The following DOCK4 variants were observed in gnomAD, a reference collection of about 807,000 sequenced individuals.
DOCK4 encodes dedicator of cytokinesis protein 4.
DOCK4 carries 97 observed loss-of-function variants against 268.1 expected under a neutral mutation model. The observed-to-expected ratio is 0.36, with a 90% CI of 0.31 to 0.43. The LOEUF is 0.43. DOCK4 is among the 20% of genes least tolerant of loss of function. The pLI is 1.00. For synonymous variants in DOCK4, 954 were observed against 887.2 expected (o/e 1.08, Z -1.34); for missense variants, 2,145 against 2,455.7 (o/e 0.87, Z 2.67).
At chr7:112,106,458 G>C (rs1193751775) in intron 1 of DOCK4, among the ~76,000 whole-genome samples, 4 of 152,200 alleles carry the variant, frequency 2.6e-5, no homozygotes, top group African/African-American at 7.2e-5. Context: ...ATTCTTTTTA[G>C]CATGCAGCAA....
chr7:111,767,231 T>A (rs1205281295), intron 37 of DOCK4, 113 bp from the exon 38 acceptor site: 15 of 679,714 alleles, frequency 2.2e-5, no homozygotes, highest in Non-Finnish European at 3.4e-5. Context: ...CTTAATCTTT[T>A]TTTTTTTTTT....
At chr7:112,204,136 T>G (rs1352385211) in intron 1 of DOCK4, among the ~76,000 whole-genome samples, 1 of 152,156 alleles carries the variant, frequency 6.6e-6, no homozygotes, top group Non-Finnish European at 1.5e-5. Context: ...AACATTTGAC[T>G]GATAATATCC....
intron 12 of DOCK4, among the ~76,000 whole-genome samples, chr7:111,932,513 A>C (rs1484740582): frequency 6.6e-6 from 1 of 152,196 alleles, no homozygotes; most frequent in Non-Finnish European, 1.5e-5. Context: ...AGAACTTAAA[A>C]AAATGCTAGC....
At position 111,727,472 on chromosome 7, in the gene DOCK4, G is replaced by T. The variant is rs1563411339; in HGVS notation, c.*802C>A. ...CATTAATACTTCAGCATTTGCTCTTGTTCAATGACAAATTTTATATAGGAA... is the reference window on the plus strand; with the variant it reads ...CATTAATACTTCAGCATTTGCTCTTTTTCAATGACAAATTTTATATAGGAA... On this transcript the variant is annotated 3_prime_UTR_variant, in exon 53 of 53. Transcript: ENST00000428084. The T allele has an allele frequency of 6.6e-6, 1 of 152,370 alleles. No individual in the cohort carries two copies. Among genetic ancestry groups the T allele is most frequent in the Admixed American group, 6.6e-5 (1 of 15,242 alleles). The allele number at this position is 152,370 out of a possible 1,614,324, so 9.4% of individuals were successfully genotyped here.
chr7:112,008,445 A>C (rs17159141), intron 1 of DOCK4, among the ~76,000 whole-genome samples: 8,559 of 152,262 alleles, frequency 0.056, 685 homozygotes, highest in African/African-American at 0.18. Context: ...TAATGATATC[A>C]GTTTAGTACG....
At position 111,726,224 on chromosome 7, in the gene DOCK4, C is replaced by A. The variant is rs1395454776; in HGVS notation, c.*2050G>T. ...CTGCTATGTAGCTGCTTCAGAAATA[C>A]ACACACATGATAAATTCAAGATAAA... On this transcript the variant is annotated 3_prime_UTR_variant, in exon 53 of 53. Transcript: ENST00000428084. 1 of 152,630 alleles carries A rather than the reference C, an allele frequency of 6.6e-6. No homozygotes were observed. Among genetic ancestry groups the A allele is most frequent in the Non-Finnish European group, 1.5e-5 (1 of 68,026 alleles). The allele number at this position is 152,630 out of a possible 1,614,324, so 9.5% of individuals were successfully genotyped here. A position where few individuals can be genotyped will look rare whatever the true frequency, so the allele number is the denominator to read the frequency against.
Position 111,782,932 on chromosome 7 carries a change from C to T in DOCK4, c.3525-8G>A. ...CCCATTTTCATGCAGTCCCTAAAAACAAAAAGCAATAGTCAGAACTCAGAA... is the reference window on the plus strand; with the variant it reads ...CCCATTTTCATGCAGTCCCTAAAAATAAAAAGCAATAGTCAGAACTCAGAA... On this transcript the variant is annotated splice_polypyrimidine_tract_variant and splice_region_variant and intron_variant, in intron 34 of 52. Coordinates refer to ENST00000428084, the MANE Select transcript of DOCK4 (RefSeq NM_001363540.2). 1 of 1,580,900 alleles carries T rather than the reference C, an allele frequency of 6.3e-7. No individual in the cohort carries two copies. The highest frequency in any genetic ancestry group is 8.6e-7 in the Non-Finnish European group (1 of 1,163,494).
intron 6 of DOCK4, among the ~76,000 whole-genome samples, chr7:111,987,083 A>G (rs1799110652): frequency 6.6e-6 from 1 of 152,256 alleles, no homozygotes; most frequent in African/African-American, 2.4e-5. Flanking sequence ...ATAAACAGTC[A>G]AAGAATTTCA....
intron 1 of DOCK4, among the ~76,000 whole-genome samples, chr7:112,176,583 T>A (rs1818530073): frequency 6.6e-6 from 1 of 152,190 alleles, no homozygotes; most frequent in Non-Finnish European, 1.5e-5. Flanking sequence ...TTATTTGGCT[T>A]CTTCAGGATC....
intron 1 of DOCK4, among the ~76,000 whole-genome samples, chr7:112,141,609 C>A (rs1215043055): frequency 6.6e-6 from 1 of 152,162 alleles, no homozygotes; most frequent in East Asian, 1.9e-4. Flanking sequence ...TAGATACATA[C>A]ATAAAATCTC....
chr7:111,802,208 C>A (rs1185317584), intron 30 of DOCK4, among the ~76,000 whole-genome samples: 5 of 152,098 alleles, frequency 3.3e-5, no homozygotes, highest in Admixed American at 2.6e-4. Context: ...AAAGCCTAAA[C>A]CCACTAAACA....
intron 23 of DOCK4, among the ~76,000 whole-genome samples, chr7:111,857,787 C>T (rs900056367): frequency 1.3e-5 from 2 of 152,188 alleles, no homozygotes; most frequent in Non-Finnish European, 2.9e-5. Flanking sequence ...TTCCTCCTTC[C>T]CCAACAACCT....
rs181957263 is a variant in DOCK4, at chr7:112,183,279, G to A, written c.37+22823C>T. On this transcript the variant is annotated intron_variant, in intron 1 of 52. Coordinates refer to ENST00000428084, the MANE Select transcript of DOCK4 (RefSeq NM_001363540.2). ...AAGGTCCTCCATTTGGGAATAGGAG[G>A]GGGAGAACTGTGAGCTCTTAACAAA... is the stretch of plus-strand genomic sequence containing the variant. 8.5e-3 allele frequency among the ~76,000 whole-genome samples: 1,175 copies of A among 137,996 alleles called. 9 individuals are homozygous for A. Among genetic ancestry groups the A allele is most frequent in the Non-Finnish European group, 0.014 (894 of 64,728 alleles). 90.5% of individuals were successfully genotyped at this position (137,996 alleles called of 152,430 possible). A position where few individuals can be genotyped will look rare whatever the true frequency, so the allele number is the denominator to read the frequency against.
At chr7:112,083,974 C>T (rs748013683) in intron 1 of DOCK4, among the ~76,000 whole-genome samples, 7 of 152,218 alleles carry the variant, frequency 4.6e-5, no homozygotes, top group Admixed American at 2.6e-4. Context: ...CTGAAGTGCG[C>T]TTGCACAGTT....
intron 1 of DOCK4, among the ~76,000 whole-genome samples, chr7:112,115,533 T>C (rs1383373303): frequency 2.0e-5 from 3 of 152,172 alleles, no homozygotes; most frequent in Admixed American, 6.5e-5. Flanking sequence ...TCCTTGGAGG[T>C]AGCACCTTGC....
chr7:111,851,520 T>A (rs983916765), intron 23 of DOCK4, among the ~76,000 whole-genome samples: 3 of 151,780 alleles, frequency 2.0e-5, no homozygotes, highest in Non-Finnish European at 4.4e-5. Context: ...TAGATACAGA[T>A]TTCTTAAACA....
At chr7:111,831,496 T>G (rs1197106471) in intron 26 of DOCK4, among the ~76,000 whole-genome samples, 2 of 151,748 alleles carry the variant, frequency 1.3e-5, no homozygotes, top group Non-Finnish European at 1.5e-5. Flanking sequence ...TTTCTTTTTT[T>G]TTTTTAGAGA....
intron 27 of DOCK4, among the ~76,000 whole-genome samples, chr7:111,815,829 G>A (rs190428748): frequency 1.4e-4 from 21 of 148,142 alleles, no homozygotes; most frequent in Admixed American, 7.9e-4. Context: ...CCGCCACTGC[G>A]CCAGCTAATT....
In DOCK4 at chr7:111,728,333, G is replaced by A. The variant is rs969612389; in HGVS notation, c.5869C>T (p.Arg1957Trp). ...ARSSHLENGA[R>W]RTDPGPRPRP... ...GGCCGCGGGCCGGGGTCAGTCCTCCGGGCCCCATTCTCCAGGTGGCTGGAT... is the reference window on the plus strand; with the variant it reads ...GGCCGCGGGCCGGGGTCAGTCCTCCAGGCCCCATTCTCCAGGTGGCTGGAT... Residue 1957 changes from arginine (R) to tryptophan (W), a missense_variant, in exon 53 of 53, where the codon CGG becomes TGG. By Grantham distance (101) the Arg-to-Trp change is moderately radical. Coordinates refer to ENST00000428084, the MANE Select transcript of DOCK4 (RefSeq NM_001363540.2). The A allele has an allele frequency of 4.0e-5, 60 of 1,518,108 alleles. No individual in the cohort carries two copies. The highest frequency in any genetic ancestry group is 1.3e-4 in the South Asian group (10 of 75,276). The allele number at this position is 1,518,108 out of a possible 1,614,324, so 94.0% of individuals were successfully genotyped here.
Sources: gnomAD v4.1 joint callset for allele counts (sites outside exome capture counted in the v4.1 genomes callset) on GRCh38, gnomAD v4.1.1 for gene constraint, MANE v1.5 for transcripts, NCBI Gene and HGNC (gene_info 2026-07-23, HGNC 2026-07-21) for gene names.